AUTS2: variants seen among roughly 807,000 people sequenced by gnomAD.
AUTS2 encodes the protein activator of transcription and developmental regulator AUTS2.
AUTS2 carries 17 observed loss-of-function variants against 112.4 expected under a neutral mutation model. The ratio of observed to expected loss-of-function variants is 0.15; its 90% CI spans 0.10 to 0.23. The LOEUF (loss-of-function observed/expected upper bound fraction) is 0.23, where lower values mean the gene tolerates loss of function less well. Among genes scored for constraint, AUTS2 ranks in the 10% least tolerant of loss-of-function variants. The probability of loss-of-function intolerance (pLI) is 1.00; values close to 1 mark genes in which losing one functional copy is unlikely to be tolerated. For synonymous variants in AUTS2, 751 were observed against 702.7 expected (o/e 1.07, Z -1.09); for missense variants, 1,510 against 1,701.6 (o/e 0.89, Z 1.98).
At chr7:69,768,977 T>C (rs1788546588) in intron 1 of AUTS2, among the ~76,000 whole-genome samples, 2 of 152,202 alleles carry the variant, frequency 1.3e-5, no homozygotes, top group African/African-American at 4.8e-5. Flanking sequence ...GTGGACACAC[T>C]TGTTTGTTTA....
intron 4 of AUTS2, among the ~76,000 whole-genome samples, chr7:70,249,900 T>C (rs1431354451): frequency 2.8e-5 from 4 of 142,094 alleles, no homozygotes; most frequent in Non-Finnish European, 3.1e-5. Flanking sequence ...ATATTAATAT[T>C]TTAAGTAAAA....
intron 4 of AUTS2, among the ~76,000 whole-genome samples, chr7:70,343,655 A>G (rs762604200): frequency 7.2e-5 from 11 of 152,206 alleles, no homozygotes; most frequent in East Asian, 1.9e-4. Context: ...GGGAAATTTT[A>G]TGGATATAAG....
chr7:69,968,661 C>T (rs537154163), intron 2 of AUTS2, among the ~76,000 whole-genome samples: 7 of 152,226 alleles, frequency 4.6e-5, no homozygotes, highest in African/African-American at 1.7e-4. Flanking sequence ...TTGTTGAAAA[C>T]GTTGGCATAT....
intron 1 of AUTS2, among the ~76,000 whole-genome samples, chr7:69,654,373 T>C (rs1467880851): frequency 6.6e-6 from 1 of 152,206 alleles, no homozygotes; most frequent in African/African-American, 2.4e-5. Flanking sequence ...GGCCCTTTCA[T>C]ATCCTGCCCC....
intron 5 of AUTS2, chr7:70,436,819 G>A (rs1353022953): frequency 1.3e-5 from 2 of 152,176 alleles, no homozygotes; most frequent in Admixed American, 1.3e-4. Flanking sequence ...GTTCTGTACT[G>A]TCGTTAATTT....
chr7:70,643,790 C>T (rs538382009), intron 5 of AUTS2, among the ~76,000 whole-genome samples: 1 of 152,306 alleles, frequency 6.6e-6, no homozygotes, highest in Non-Finnish European at 1.5e-5. Flanking sequence ...CAAACCTGTT[C>T]CTGTATTCCC....
Position 70,785,983 on chromosome 7 carries a change from A to T in AUTS2, c.2253A>T (p.Thr751=). The T allele has an allele frequency of 6.2e-7, 1 of 1,614,068 alleles. No individual in the cohort carries two copies. Among genetic ancestry groups the T allele is most frequent in the Non-Finnish European group, 8.5e-7 (1 of 1,179,994 alleles). ...CTTTTAATCGGCCGTCTACATTCACAGGCCTAGCAGCAGTTGGTGGCAATG... is the reference window on the plus strand; with the variant it reads ...CTTTTAATCGGCCGTCTACATTCACTGGCCTAGCAGCAGTTGGTGGCAATG... The part of the protein sequence containing the change: ...LEPFNRPSTF[T]GLAAVGGNAF... The change falls in exon 17 of 19, where the codon ACA becomes ACT. Residue 751 remains threonine, a synonymous_variant. Transcript: ENST00000342771.
rs55885084 is a variant in AUTS2, at chr7:70,721,279, CGTGTGTGT to C, written c.742+22686_742+22693del. Among the ~76,000 whole-genome samples the C allele has an allele frequency of 1.1e-4, 16 of 140,154 alleles. No homozygotes were observed. The South Asian group carries it at 1.2e-3, about 11-fold the overall frequency. 91.9% of individuals were successfully genotyped at this position (140,154 alleles called of 152,430 possible). A position where few individuals can be genotyped will look rare whatever the true frequency, so the allele number is the denominator to read the frequency against. On this transcript the variant is annotated intron_variant, in intron 6 of 18. Coordinates refer to ENST00000342771, the MANE Select transcript of AUTS2 (RefSeq NM_015570.4). ...CGTGTGTGACAGCCAGAATTTCATT[CGTGTGTGT>C]GTGTGTGTGTGTGTGTGTGTGTGTG... is the stretch of plus-strand genomic sequence containing the variant.
intron 4 of AUTS2, among the ~76,000 whole-genome samples, chr7:70,177,120 C>G (rs1809030123): frequency 1.3e-5 from 2 of 152,092 alleles, no homozygotes. Flanking sequence ...TTTGAAATTT[C>G]AAAGGAGGCA....
chr7:70,782,780 T>C (rs991937533), intron 15 of AUTS2: 1 of 152,234 alleles, frequency 6.6e-6, no homozygotes, highest in African/African-American at 2.4e-5. Context: ...CAGGCTTTTA[T>C]CCAAGACTCA....
At chr7:70,505,369 G>T (rs1798921695) in intron 5 of AUTS2, among the ~76,000 whole-genome samples, 1 of 152,080 alleles carries the variant, frequency 6.6e-6, no homozygotes, top group Non-Finnish European at 1.5e-5. Flanking sequence ...GTTAATATGG[G>T]GAATGTTGAT....
intron 5 of AUTS2, among the ~76,000 whole-genome samples, chr7:70,524,631 G>A (rs1380988885): frequency 6.6e-6 from 1 of 152,154 alleles, no homozygotes; most frequent in Non-Finnish European, 1.5e-5. Flanking sequence ...TCCTGTGAAA[G>A]TCAACCCAGT....
rs1418788309 is a variant in AUTS2 at position 69,666,454 on chromosome 7, G to A, written c.309+66492G>A. Among the ~76,000 whole-genome samples the A allele has an allele frequency of 2.0e-5, 3 of 152,170 alleles. No homozygotes were observed. In the East Asian group the frequency reaches 5.8e-4, roughly 29 times the overall value. On this transcript the variant is annotated intron_variant, in intron 1 of 18. Transcript: ENST00000342771. Reference sequence around the variant, plus strand: ...TATTATTTTTCATCTACTTTTAACAGGTTCTTCTTTGGTTAAAAACTGACT... The same window carrying A: ...TATTATTTTTCATCTACTTTTAACAAGTTCTTCTTTGGTTAAAAACTGACT...
At chr7:70,427,917 G>C (rs1795499590) in intron 4 of AUTS2, among the ~76,000 whole-genome samples, 1 of 152,130 alleles carries the variant, frequency 6.6e-6, no homozygotes, top group South Asian at 2.1e-4. Context: ...TCTGAGAGTT[G>C]ATTCTCTTGT....
intron 5 of AUTS2, among the ~76,000 whole-genome samples, chr7:70,487,847 A>T (rs889884467): frequency 2.1e-4 from 32 of 152,222 alleles, no homozygotes; most frequent in Non-Finnish European, 3.5e-4. Context: ...AAATGACTGC[A>T]TCTGCCATGA....
intron 5 of AUTS2, chr7:70,436,639 C>A (rs1469116066): frequency 1.3e-5 from 2 of 152,244 alleles, no homozygotes; most frequent in Non-Finnish European, 2.9e-5. Flanking sequence ...GGCCTCCCTT[C>A]CCCCGTTTCT....
At chr7:70,377,196 T>C (rs976718450) in intron 4 of AUTS2, among the ~76,000 whole-genome samples, 19 of 151,164 alleles carry the variant, frequency 1.3e-4, no homozygotes, top group African/African-American at 4.6e-4. Context: ...CATCACAATA[T>C]TTTTATAGGA....
intron 4 of AUTS2, among the ~76,000 whole-genome samples, chr7:70,408,967 A>G (rs1445070521): frequency 3.3e-5 from 5 of 152,228 alleles, no homozygotes; most frequent in African/African-American, 1.2e-4. Context: ...GCTGATAGCA[A>G]TTTGAAGCAT....
chr7:70,713,953 C>T (rs1381381189), intron 6 of AUTS2, among the ~76,000 whole-genome samples: 1 of 151,558 alleles, frequency 6.6e-6, no homozygotes, highest in Non-Finnish European at 1.5e-5. Context: ...TCTGATTCAG[C>T]GTGTCTGGGC....
Sources: allele counts gnomAD v4.1 joint callset (sites outside exome capture counted in the v4.1 genomes callset), GRCh38; gene constraint gnomAD v4.1.1; transcripts MANE v1.5; gene names NCBI Gene and HGNC (gene_info 2026-07-23, HGNC 2026-07-21).